Variants in TSPEAR observed in about 807,000 individuals in gnomAD.
The protein encoded by TSPEAR is thrombospondin-type laminin G domain and EAR repeat-containing protein.
Under a neutral mutation model 71.6 loss-of-function variants are expected in TSPEAR, and 69 were observed. That is an observed-to-expected ratio of 0.96 (90% CI 0.79 to 1.18). The LOEUF is 1.18. TSPEAR is among the 50% of genes most tolerant of loss of function. TSPEAR has a pLI of 0.00. For missense variants in TSPEAR, 971 were observed against 894.9 expected (o/e 1.09, Z -1.09); for synonymous variants, 402 against 387.2 (o/e 1.04, Z -0.45).
intron 2 of TSPEAR, chr21:44,558,488 C>T (rs781984633): frequency 3.3e-5 from 53 of 1,613,812 alleles, no homozygotes; most frequent in South Asian, 4.4e-5. Flanking sequence ...AGCACGAGGG[C>T]GTGCAGGAGC....
At chr21:44,502,312 C>T (rs1385184455) in intron 11 of TSPEAR, among the ~76,000 whole-genome samples, 1 of 152,176 alleles carries the variant, frequency 6.6e-6, no homozygotes, top group Non-Finnish European at 1.5e-5. Context: ...GCTAGGGAAG[C>T]AAGCTACATA....
chr21:44,540,853 G>A (rs117795435), intron 2 of TSPEAR, among the ~76,000 whole-genome samples: 189 of 152,336 alleles, frequency 1.2e-3, no homozygotes, highest in Non-Finnish European at 1.9e-3. Context: ...ATAGGACTGG[G>A]TTTCGGACAG....
chr21:44,531,038 C>T lies in TSPEAR; in HGVS notation c.633+5G>A. ...GTGTTGGGAAGGCAGCCCCTCCATA[C>T]TCGCCATGAACAGGCCTTTGGCTCT... On this transcript the variant is annotated splice_donor_5th_base_variant and intron_variant, in intron 4 of 11. Coordinates refer to ENST00000323084, the MANE Select transcript of TSPEAR (RefSeq NM_144991.3). 1 of 1,612,766 alleles carries T rather than the reference C, an allele frequency of 6.2e-7. No individual in the cohort carries two copies. Among genetic ancestry groups the T allele is most frequent in the African/African-American group, 1.3e-5 (1 of 75,040 alleles).
At chr21:44,605,705 G>A (rs1156597290) in intron 1 of TSPEAR, among the ~76,000 whole-genome samples, 1 of 152,170 alleles carries the variant, frequency 6.6e-6, no homozygotes, top group Non-Finnish European at 1.5e-5. Context: ...ATGGGAAAAG[G>A]ACAGACTCTT....
chr21:44,708,044 CACCA>C (rs1480602764), intron 1 of TSPEAR, among the ~76,000 whole-genome samples: 20 of 137,524 alleles, frequency 1.5e-4, no homozygotes, highest in African/African-American at 4.4e-4. Flanking sequence ...CACACACACA[CACCA>C]CACAGCACGA....
chr21:44,597,496 G>T (rs1232298162), intron 1 of TSPEAR, among the ~76,000 whole-genome samples: 1 of 150,030 alleles, frequency 6.7e-6, no homozygotes. Context: ...GCAGTGGTGC[G>T]ATCTCGGCTC....
rs149444842 is a variant in TSPEAR at position 44,682,045 on chromosome 21, G to A, written c.82+29388C>T. ...CACACGGAGGACTGGCAGCCCACGG[G>A]GATGTAACAGGATGCCTGGCAGGGG... is the stretch of plus-strand genomic sequence containing the variant. On this transcript the variant is annotated intron_variant, in intron 1 of 11. Transcript: ENST00000323084. The A allele has an allele frequency of 7.4e-4, 1,198 of 1,614,070 alleles. 8 individuals carry two copies. In the African/African-American group the frequency reaches 0.014, roughly 18 times the overall value.
chr21:44,551,725 C>T (rs1175772751), intron 2 of TSPEAR, among the ~76,000 whole-genome samples: 1 of 152,144 alleles, frequency 6.6e-6, no homozygotes, highest in Non-Finnish European at 1.5e-5. Flanking sequence ...GCAGGACCGG[C>T]GCCCCTGGCT....
At chr21:44,565,187 T>C (rs1199257295) in intron 2 of TSPEAR, among the ~76,000 whole-genome samples, 2 of 151,980 alleles carry the variant, frequency 1.3e-5, no homozygotes, top group Admixed American at 1.3e-4. Flanking sequence ...TTAAGAAAGA[T>C]CTCAAATCAA....
intron 1 of TSPEAR, among the ~76,000 whole-genome samples, chr21:44,617,572 G>A (rs1290533763): frequency 2.0e-4 from 31 of 152,260 alleles, no homozygotes; most frequent in Admixed American, 1.3e-4. Flanking sequence ...TACAACTGCA[G>A]GCAAGGGATG....
rs1247100174 is a variant in TSPEAR at position 44,613,000 on chromosome 21, CCT to C, written c.83-44997_83-44996del. On this transcript the variant is annotated intron_variant, in intron 1 of 11. Coordinates refer to ENST00000323084, the MANE Select transcript of TSPEAR (RefSeq NM_144991.3). This position sits in a 1 kb window ranked among gnomAD's most constrained non-coding sequence, Gnocchi z 4.1. ...CCTGGGATGGGGTCTCCATGTCTCC[CCT>C]GTGCTGAGGTGACCTCTCCCTCCTT... The C allele has an allele frequency of 7.0e-7, 1 of 1,436,700 alleles. No homozygotes were observed. Among genetic ancestry groups the C allele is most frequent in the African/African-American group, 1.4e-5 (1 of 71,384 alleles). The allele number at this position is 1,436,700 out of a possible 1,614,324, so 89.0% of individuals were successfully genotyped here. A position where few individuals can be genotyped will look rare whatever the true frequency, so the allele number is the denominator to read the frequency against.
chr21:44,677,597 A>G, intron 1 of TSPEAR: 1 of 1,053,648 alleles, frequency 9.5e-7, no homozygotes, highest in South Asian at 1.3e-5. Flanking sequence ...TTCCTTCATC[A>G]ATTGCAGGGT....
chr21:44,568,433 C>T (rs1555922081), intron 1 of TSPEAR, among the ~76,000 whole-genome samples: 1 of 152,238 alleles, frequency 6.6e-6, no homozygotes, highest in Non-Finnish European at 1.5e-5. Flanking sequence ...GTCTGCTGGC[C>T]TCCCTTGGGT....
chr21:44,624,730 A>C (rs1251843911), intron 1 of TSPEAR, among the ~76,000 whole-genome samples: 3 of 151,966 alleles, frequency 2.0e-5, no homozygotes, highest in African/African-American at 7.3e-5. Context: ...CCTGAACTCT[A>C]TGTTTTTGTC....
chr21:44,522,170 C>T, intron 8 of TSPEAR, 58 bp from the exon 9 acceptor site: 1 of 1,543,640 alleles, frequency 6.5e-7, no homozygotes, highest in Non-Finnish European at 8.9e-7. Flanking sequence ...CCCATGGCAG[C>T]CCCGACGGAG....
chr21:44,637,358 C>G, intron 1 of TSPEAR: 1 of 1,565,350 alleles, frequency 6.4e-7, no homozygotes. Context: ...CACACACACA[C>G]TCACTCACAC....
chr21:44,697,291 C>T (rs782135175), intron 1 of TSPEAR: 9 of 1,613,888 alleles, frequency 5.6e-6, no homozygotes, highest in Admixed American at 3.3e-5. Flanking sequence ...GGCAGGTGGA[C>T]GACTGCCCAG....
chr21:44,503,749 A>C (rs1424791375), intron 11 of TSPEAR, among the ~76,000 whole-genome samples: 3 of 61,946 alleles, frequency 4.8e-5, no homozygotes, highest in East Asian at 5.2e-4. Context: ...AGGAGGCCGG[A>C]GTTGGTGAGC....
At chr21:44,678,053 C>T (rs759421622) in intron 1 of TSPEAR, 139 of 713,182 alleles carry the variant, frequency 1.9e-4, no homozygotes, top group Non-Finnish European at 2.5e-4. Context: ...TGGGCCACAG[C>T]GGTCACACTC....
Sources: allele counts gnomAD v4.1 joint callset (sites outside exome capture counted in the v4.1 genomes callset), GRCh38; gene constraint gnomAD v4.1.1; non-coding constraint Gnocchi (gnomAD v3.1); transcripts MANE v1.5; gene names NCBI Gene and HGNC (gene_info 2026-07-23, HGNC 2026-07-21).